Variants in ACAD9 observed in about 807,000 individuals in gnomAD.
ACAD9 encodes the protein acyl-CoA dehydrogenase family member 9, also known as complex I assembly factor ACAD9, mitochondrial.
Under a neutral mutation model 70.2 loss-of-function variants are expected in ACAD9, and 53 were observed. That is an observed-to-expected ratio of 0.75 (90% CI 0.61 to 0.95). The LOEUF (loss-of-function observed/expected upper bound fraction) is 0.95, where lower values mean the gene tolerates loss of function less well. Among genes scored for constraint, ACAD9 ranks in the 40% least tolerant of loss-of-function variants. ACAD9 has a pLI of 0.00. For synonymous variants in ACAD9, 313 were observed against 312.1 expected (o/e 1.00, Z -0.03); for missense variants, 777 against 802.8 (o/e 0.97, Z 0.39).
chr3:128,907,225 G>T (rs1019526541), intron 12 of ACAD9, among the ~76,000 whole-genome samples: 2 of 151,650 alleles, frequency 1.3e-5, no homozygotes, highest in African/African-American at 4.9e-5. Flanking sequence ...CCTGCCCAGT[G>T]GGAGGCCTCC....
In ACAD9 at chr3:128,904,079, G is replaced by A. The variant is rs115532916; in HGVS notation, c.976G>A (p.Ala326Thr). Residue 326 changes from alanine (A) to threonine (T), a missense_variant, in exon 10 of 18, where the codon GCC becomes ACC. Ala to Thr is a moderately conservative substitution (Grantham distance 58). Transcript: ENST00000308982. ...KRLIEMTAEY[A>T]CTRKQFNKRL... ...TTCCTCAGAAATGACTGCTGAGTAC[G>A]CCTGCACAAGGAAACAGTTTAACAA... 0.018 allele frequency: 29,241 copies of A among 1,614,070 alleles called. 411 individuals carry two copies. Among genetic ancestry groups the A allele is most frequent in the Middle Eastern group, 0.025 (150 of 6,062 alleles).
At chr3:128,904,278 C>T (rs1935825372) in intron 10 of ACAD9, 108 bp from the exon 11 acceptor site, 4 of 1,602,086 alleles carry the variant, frequency 2.5e-6, no homozygotes, top group Non-Finnish European at 3.4e-6. Flanking sequence ...ACTGGGCTTG[C>T]TTCTCTTGGG....
chr3:128,897,140 A>G (rs1173134352), intron 5 of ACAD9, among the ~76,000 whole-genome samples: 1 of 152,132 alleles, frequency 6.6e-6, no homozygotes, highest in Non-Finnish European at 1.5e-5. Flanking sequence ...TGATGTATTG[A>G]AGCAGAGGTC....
chr3:128,909,512 C>A, intron 15 of ACAD9, 91 bp downstream of exon 15: 2 of 1,342,296 alleles, frequency 1.5e-6, no homozygotes, highest in Non-Finnish European at 1.1e-6. Context: ...TCCTTTGGGA[C>A]CAGGCCTAGA....
Position 128,908,212 on chromosome 3 carries a change from A to G in ACAD9, c.1306A>G (p.Ile436Val), listed in dbSNP as rs762723788. The G allele has an allele frequency of 6.2e-6, 10 of 1,614,070 alleles. No individual in the cohort carries two copies. In the African/African-American group the frequency reaches 1.2e-4, roughly 19 times the overall value. The part of the protein sequence containing the change: ...EGTNEILRMY[I>V]ALTGLQHAGR... ...AACCAATGAGATTCTCCGGATGTAC[A>G]TCGCCCTGACGGGTCTGCAGCATGC... The change falls in exon 13 of 18, where the codon ATC becomes GTC. Residue 436 changes from isoleucine to valine, a missense_variant. Ile to Val is a conservative substitution (Grantham distance 29). Transcript: ENST00000308982.
intron 16 of ACAD9, 131 bp from the exon 17 acceptor site, chr3:128,910,609 CG>C (rs1388225991): frequency 1.0e-6 from 1 of 981,212 alleles, no homozygotes; most frequent in Non-Finnish European, 1.6e-6. Context: ...GAACCCAAGA[CG>C]GGGTGACTCC....
intron 11 of ACAD9, among the ~76,000 whole-genome samples, 190 bp from the exon 12 acceptor site, chr3:128,905,931 A>T (rs964921811): frequency 4.6e-5 from 7 of 152,150 alleles, no homozygotes; most frequent in African/African-American, 1.7e-4. Flanking sequence ...ACAGAAGGTC[A>T]TGGTGGGGTA....
At chr3:128,884,563 GCA>G (rs2107641139) in intron 1 of ACAD9, 88 bp from the exon 2 acceptor site, 1 of 929,114 alleles carries the variant, frequency 1.1e-6, no homozygotes, top group East Asian at 2.7e-5. Flanking sequence ...GTGGAGTGGA[GCA>G]CATGTTTTTC....
chr3:128,896,608 G>A lies in ACAD9; in HGVS notation c.554+72G>A, dbSNP rs983358066. Reference sequence around the variant, plus strand: ...CCAAGATTCACTGGGGCAAGGGGCTGTTGGTTTTGTTGAGTAGCTGACTTT... The same window carrying A: ...CCAAGATTCACTGGGGCAAGGGGCTATTGGTTTTGTTGAGTAGCTGACTTT... On this transcript the variant is annotated intron_variant, in intron 5 of 17. Coordinates refer to ENST00000308982, the MANE Select transcript of ACAD9 (RefSeq NM_014049.5). 4 of 1,470,748 alleles carry A rather than the reference G, an allele frequency of 2.7e-6. No individual in the cohort carries two copies. In the African/African-American group the frequency reaches 4.2e-5, roughly 15 times the overall value. 91.1% of individuals were successfully genotyped at this position (1,470,748 alleles called of 1,614,324 possible). A position where few individuals can be genotyped will look rare whatever the true frequency, so the allele number is the denominator to read the frequency against.
chr3:128,908,342 A>G lies in ACAD9; in HGVS notation c.1358+78A>G, dbSNP rs1380293523. The G allele has an allele frequency of 1.9e-6, 3 of 1,540,630 alleles. No individual in the cohort carries two copies. In the East Asian group the frequency reaches 6.7e-5, roughly 35 times the overall value. The stretch of plus-strand genomic sequence containing the variant: ...GGCCAGTCCAGGGCAGTGGGAGGAA[A>G]GAGCTGCCTTGACCTGGAGTGGGGG... On this transcript the variant is annotated intron_variant, in intron 13 of 17. Coordinates refer to ENST00000308982, the MANE Select transcript of ACAD9 (RefSeq NM_014049.5).
At position 128,909,386 on chromosome 3, in the gene ACAD9, C is replaced by T. The variant is rs776646967; in HGVS notation, c.1528C>T (p.Arg510Trp). The change falls in exon 15 of 18, where the codon CGG (arginine) becomes TGG (tryptophan). Residue 510 changes from arginine (R) to tryptophan (W), a missense_variant. Coordinates refer to ENST00000308982, the MANE Select transcript of ACAD9 (RefSeq NM_014049.5). ...TGAGGAGAACACCTACTGCTTCGGC[C>T]GGACCGTGGAGACACTGCTGCTCCG... The part of the protein sequence containing the change: ...KFEENTYCFG[R>W]TVETLLLRFG... 3.2e-5 allele frequency: 51 copies of T among 1,614,042 alleles called. No individual in the cohort carries two copies. Among genetic ancestry groups the T allele is most frequent in the East Asian group, 8.9e-5 (4 of 44,890 alleles).
At chr3:128,887,721 C>G (rs1935296653) in intron 2 of ACAD9, among the ~76,000 whole-genome samples, 1 of 150,738 alleles carries the variant, frequency 6.6e-6, no homozygotes, top group South Asian at 2.1e-4. Context: ...ACAAAGGTCT[C>G]TTGGAATAAA....
rs114697716 is a variant in ACAD9, at chr3:128,885,042, G to A, written c.244+296G>A. Among the ~76,000 whole-genome samples, 1,019 of 152,314 alleles carry A rather than the reference G, an allele frequency of 6.7e-3. 12 individuals carry two copies. The highest frequency in any genetic ancestry group is 0.024 in the African/African-American group (980 of 41,564). On this transcript the variant is annotated intron_variant, in intron 2 of 17. Coordinates refer to ENST00000308982, the MANE Select transcript of ACAD9 (RefSeq NM_014049.5). ...AACTAAAAAAATTAGATGGCAAAAA[G>A]CCAAGGCCACACACCATACAAGCCC...
intron 9 of ACAD9, among the ~76,000 whole-genome samples, chr3:128,903,596 C>T (rs940388502): frequency 3.9e-5 from 6 of 152,188 alleles, no homozygotes; most frequent in Non-Finnish European, 7.4e-5. Flanking sequence ...CACAGCCACA[C>T]GCCTGGAAGC....
chr3:128,905,403 G>A lies in ACAD9; in HGVS notation c.1150-718G>A, dbSNP rs527564777. Among the ~76,000 whole-genome samples the A allele has an allele frequency of 3.9e-5, 6 of 152,302 alleles. No homozygotes were observed. In the South Asian group the frequency reaches 1.2e-3, roughly 32 times the overall value. ...GCCACACTTGGGGGGACCCTACTTTGTGCCCCCCACAATTGTTTTTAAGCT... is the reference window on the plus strand; with the variant it reads ...GCCACACTTGGGGGGACCCTACTTTATGCCCCCCACAATTGTTTTTAAGCT... On this transcript the variant is annotated intron_variant, in intron 11 of 17. Coordinates refer to ENST00000308982, the MANE Select transcript of ACAD9 (RefSeq NM_014049.5).
At position 128,912,538 on chromosome 3, in the gene ACAD9, G is replaced by A; in HGVS notation, c.1797G>A (p.Lys599=). The part of the protein sequence containing the change: ...YAPENLDEQI[K]KVSQQILEKR... ...CAGAAAACCTAGATGAGCAGATTAA[G>A]AAAGTGTCCCAGCAGATCCTTGAGA... is the stretch of plus-strand genomic sequence containing the variant. The change falls in exon 18 of 18, where the codon AAG becomes AAA. Residue 599 remains lysine (K), a synonymous_variant. Transcript: ENST00000308982. 1 of 1,614,088 alleles carries A rather than the reference G, an allele frequency of 6.2e-7. No individual in the cohort carries two copies. The highest frequency in any genetic ancestry group is 8.5e-7 in the Non-Finnish European group (1 of 1,179,970).
At chr3:128,886,563 C>T (rs185182707) in intron 2 of ACAD9, among the ~76,000 whole-genome samples, 189 of 151,892 alleles carry the variant, frequency 1.2e-3, no homozygotes, top group African/African-American at 4.0e-3. Flanking sequence ...ACAAAATTAG[C>T]TGGGCGTGGT....
Position 128,912,613 on chromosome 3 carries a change from G to C in ACAD9, c.*6G>C. The C allele has an allele frequency of 6.2e-7, 1 of 1,613,204 alleles. No homozygotes were observed. Among genetic ancestry groups the C allele is most frequent in the East Asian group, 2.2e-5 (1 of 44,876 alleles). ...CTCTGGACAGGACATGCTGAGGCAG[G>C]GGACAGTGTCCCCTGCTACCGCCCG... On this transcript the variant is annotated 3_prime_UTR_variant, in exon 18 of 18. Coordinates refer to ENST00000308982, the MANE Select transcript of ACAD9 (RefSeq NM_014049.5).
intron 6 of ACAD9, 122 bp downstream of exon 6, chr3:128,897,832 C>A: frequency 1.1e-6 from 1 of 917,404 alleles, no homozygotes; most frequent in Non-Finnish European, 1.7e-6. Context: ...CCTTCTTGAG[C>A]TGCTTTTATG....
Sources: gnomAD v4.1 joint callset for allele counts (sites outside exome capture counted in the v4.1 genomes callset) on GRCh38, gnomAD v4.1.1 for gene constraint, MANE v1.5 for transcripts, NCBI Gene and HGNC (gene_info 2026-07-23, HGNC 2026-07-21) for gene names.